BAALC: variants seen among roughly 807,000 people sequenced by gnomAD.
BAALC encodes the protein BAALC binder of MAP3K1 and KLF4.
Under a neutral mutation model 15.5 loss-of-function variants are expected in BAALC, and 9 were observed. That is an observed-to-expected ratio of 0.58 (90% CI 0.35 to 1.02). BAALC has a LOEUF of 1.02. Ranked by LOEUF, BAALC falls within the 50% of genes least tolerant of loss-of-function variation. The probability of loss-of-function intolerance (pLI) is 0.02; values close to 1 mark genes in which losing one functional copy is unlikely to be tolerated. For synonymous variants in BAALC, 80 were observed against 74.6 expected, an observed-to-expected ratio of 1.07 and a Z score of -0.37; for missense variants, 201 against 192.4, an observed-to-expected ratio of 1.04 and a Z score of -0.27.
intron 1 of BAALC, among the ~76,000 whole-genome samples, chr8:103,188,809 A>G (rs938240097): frequency 9.9e-5 from 15 of 152,226 alleles, no homozygotes; most frequent in Non-Finnish European, 1.8e-4. Context: ...GAGTACATAT[A>G]TTTTTAAATC....
At chr8:103,213,516 A>G (rs2220824) in intron 2 of BAALC, 75,336 of 155,628 alleles carry the variant, frequency 0.48, 18,625 homozygotes, top group South Asian at 0.53. Flanking sequence ...AACCAGGTGG[A>G]CATTGGAAGG....
At position 103,150,349 on chromosome 8, in the gene BAALC, GTGTC is replaced by G. The variant is rs766342776; in HGVS notation, c.160+9296_160+9299del. ...GAAACATGGCTGTGTGTGTGTGTGT[GTGTC>G]TGTGTGTCTGTGTGTATGGCTGGGT... On this transcript the variant is annotated intron_variant, in intron 1 of 2. Transcript: ENST00000309982. Among the ~76,000 whole-genome samples the G allele has an allele frequency of 2.5e-3, 373 of 151,008 alleles. 1 individual carries two copies. The highest frequency in any genetic ancestry group is 3.1e-3 in the Non-Finnish European group (211 of 67,578).
rs1320341924 is a variant in BAALC at position 103,155,789 on chromosome 8, A to G, written c.160+14732A>G. Among the ~76,000 whole-genome samples the G allele has an allele frequency of 2.0e-5, 3 of 152,174 alleles. No homozygotes were observed. In the East Asian group the frequency reaches 5.8e-4, roughly 29 times the overall value. ...TTTGGTAGTGGGAGTGCAGCTAGAA[A>G]ACCTGCAGTGTCTCCATGTTCTCTA... On this transcript the variant is annotated intron_variant, in intron 1 of 2. Coordinates refer to ENST00000309982, the MANE Select transcript of BAALC (RefSeq NM_024812.3).
At position 103,142,240 on chromosome 8, in the gene BAALC, G is replaced by T. The variant is rs538973615; in HGVS notation, c.160+1183G>T. 3.9e-5 allele frequency among the ~76,000 whole-genome samples: 6 copies of T among 152,328 alleles called. No individual in the cohort carries two copies. In the South Asian group the frequency reaches 1.2e-3, roughly 32 times the overall value. ...AGAGCTGTCACTTTAATCAAGAATA[G>T]GTTTCTCCATTTTTAAGGACCAAAG... On this transcript the variant is annotated intron_variant, in intron 1 of 2. Coordinates refer to ENST00000309982, the MANE Select transcript of BAALC (RefSeq NM_024812.3).
chr8:103,219,641 C>T (rs918014442), intron 2 of BAALC: 5 of 152,302 alleles, frequency 3.3e-5, no homozygotes, highest in Non-Finnish European at 5.9e-5. Context: ...AGAGTTTTAC[C>T]TGCAGCATAG....
At chr8:103,186,598 A>C (rs1376530145) in intron 1 of BAALC, among the ~76,000 whole-genome samples, 1 of 152,106 alleles carries the variant, frequency 6.6e-6, no homozygotes, top group African/African-American at 2.4e-5. Flanking sequence ...CTCTTCATTC[A>C]AGCTAATCTT....
rs570558443 is a variant in BAALC, at chr8:103,199,821, T to A, written c.161-13098T>A. On this transcript the variant is annotated intron_variant, in intron 1 of 2. Coordinates refer to ENST00000309982, the MANE Select transcript of BAALC (RefSeq NM_024812.3). ...TTTTCCTCCCTCCCACCCTCCACCC[T>A]CCAATAGGCCTCAGTGTGTGTTGTT... Among the ~76,000 whole-genome samples, 38 of 151,972 alleles carry A rather than the reference T, an allele frequency of 2.5e-4. No homozygotes were observed. The South Asian group carries it at 6.7e-3, about 27-fold the overall frequency.
chr8:103,222,830 T>G (rs1318281533), intron 2 of BAALC, among the ~76,000 whole-genome samples: 19 of 152,188 alleles, frequency 1.2e-4, no homozygotes, highest in Admixed American at 1.2e-3. Context: ...TTGTTGCCAT[T>G]TAGAAGTAGT....
rs1178115907 is a variant in BAALC, at chr8:103,228,852, C to A, written c.*753C>A. On this transcript the variant is annotated 3_prime_UTR_variant, in exon 3 of 3. Transcript: ENST00000309982. ...TGGCCAATGCATCCAAATAAGGATA[C>A]CCCTCAGGGCTCAGCTAGACATTGC... 6.6e-6 allele frequency: 1 copy of A among 152,232 alleles called. No homozygotes were observed. Among genetic ancestry groups the A allele is most frequent in the Non-Finnish European group, 1.5e-5 (1 of 68,046 alleles). 9.4% of individuals were successfully genotyped at this position (152,232 alleles called of 1,614,324 possible).
Position 103,223,727 on chromosome 8 carries a change from T to C in BAALC, c.328-4262T>C, listed in dbSNP as rs377353978. ...ACTACTGGATTTTTTGCTTAGATTT[T>C]TAAGCTTAGAAGTACAGACTGAAAT... On this transcript the variant is annotated intron_variant, in intron 2 of 2. Coordinates refer to ENST00000309982, the MANE Select transcript of BAALC (RefSeq NM_024812.3). Among the ~76,000 whole-genome samples, 15 of 152,338 alleles carry C rather than the reference T, an allele frequency of 9.8e-5. No homozygotes were observed. The South Asian group carries it at 2.1e-3, about 21-fold the overall frequency.
intron 1 of BAALC, chr8:103,153,457 C>A (rs942903405): frequency 6.6e-6 from 1 of 152,172 alleles, no homozygotes; most frequent in Non-Finnish European, 1.5e-5. Context: ...TCTGGAAAAA[C>A]CACATATGCT....
chr8:103,176,550 A>G (rs1241315519), intron 1 of BAALC, among the ~76,000 whole-genome samples: 2 of 152,178 alleles, frequency 1.3e-5, no homozygotes, highest in Non-Finnish European at 2.9e-5. Flanking sequence ...GATCTTGCTA[A>G]GAAAGGGAGT....
intron 1 of BAALC, among the ~76,000 whole-genome samples, chr8:103,203,739 T>G (rs1412196711): frequency 2.0e-5 from 3 of 152,250 alleles, no homozygotes; most frequent in African/African-American, 7.2e-5. Flanking sequence ...GGTTCATCAA[T>G]GTCGTAGTAT....
intron 1 of BAALC, chr8:103,183,326 A>T (rs1407085166): frequency 1.4e-6 from 1 of 702,682 alleles, no homozygotes. Flanking sequence ...TTGAGTCCTA[A>T]CCACTTCCAC....
chr8:103,192,840 C>CCTGTGCTTCTCTGTGGCCCATT (rs1812002012), intron 1 of BAALC, among the ~76,000 whole-genome samples: 1 of 152,202 alleles, frequency 6.6e-6, no homozygotes, highest in Non-Finnish European at 1.5e-5. Context: ...CAGGACTTGG[C>CCTGTGCTTCTCTGTGGCCCATT]CTGTGCTTCT....
In BAALC at chr8:103,230,091, CA is replaced by C. The variant is rs754722315; in HGVS notation, c.*1993del. On this transcript the variant is annotated 3_prime_UTR_variant, in exon 3 of 3. Coordinates refer to ENST00000309982, the MANE Select transcript of BAALC (RefSeq NM_024812.3). Reference sequence around the variant, plus strand: ...TTATATAGAAACACTTTCTCACTTACAGGGGAGAAGGAAATGCAGGGCACAT... The same window carrying C: ...TTATATAGAAACACTTTCTCACTTACGGGGAGAAGGAAATGCAGGGCACAT... 1 of 152,188 alleles carries C rather than the reference CA, an allele frequency of 6.6e-6. No individual in the cohort carries two copies. The highest frequency in any genetic ancestry group is 1.5e-5 in the Non-Finnish European group (1 of 68,036). 9.4% of individuals were successfully genotyped at this position (152,188 alleles called of 1,614,324 possible). A position where few individuals can be genotyped will look rare whatever the true frequency, so the allele number is the denominator to read the frequency against.
chr8:103,186,565 C>T (rs750981783), intron 1 of BAALC, among the ~76,000 whole-genome samples: 15 of 152,162 alleles, frequency 9.9e-5, no homozygotes, highest in African/African-American at 1.9e-4. Flanking sequence ...CCAATAGAGA[C>T]GATTTTTTGT....
intron 1 of BAALC, among the ~76,000 whole-genome samples, chr8:103,195,979 C>G (rs1812087290): frequency 6.6e-6 from 1 of 152,124 alleles, no homozygotes; most frequent in African/African-American, 2.4e-5. Flanking sequence ...GAGGAGGAGT[C>G]TGGGAAGGTG....
At chr8:103,197,747 G>A (rs891367438) in intron 1 of BAALC, among the ~76,000 whole-genome samples, 2 of 152,100 alleles carry the variant, frequency 1.3e-5, no homozygotes, top group Non-Finnish European at 1.5e-5. Context: ...AAGAGCGGGA[G>A]AAAGAGTGGT....
Sources: allele counts gnomAD v4.1 joint callset (sites outside exome capture counted in the v4.1 genomes callset), GRCh38; gene constraint gnomAD v4.1.1; transcripts MANE v1.5; gene names NCBI Gene and HGNC (gene_info 2026-07-23, HGNC 2026-07-21).